ASB10: variants seen among roughly 807,000 people sequenced by gnomAD.
The protein encoded by ASB10 is ankyrin repeat and SOCS box containing 10.
A neutral mutation model predicts 35.4 loss-of-function variants in ASB10; 44 were observed. That is an observed-to-expected ratio of 1.24 (90% CI 0.98 to 1.60). The LOEUF (loss-of-function observed/expected upper bound fraction) is 1.60, where lower values mean the gene tolerates loss of function less well. Among genes scored for constraint, ASB10 ranks in the 40% most tolerant of loss-of-function variants. The pLI is 0.00. For synonymous variants in ASB10, 294 were observed against 280.4 expected (o/e 1.05, Z -0.49); for missense variants, 647 against 634.3 (o/e 1.02, Z -0.22).
Position 151,175,791 on chromosome 7 carries a change from C to T in ASB10, c.*176G>A, listed in dbSNP as rs1252508570. 4 of 365,212 alleles carry T rather than the reference C, an allele frequency of 1.1e-5. No homozygotes were observed. Among genetic ancestry groups the T allele is most frequent in the Non-Finnish European group, 2.0e-5 (4 of 200,874 alleles). 22.6% of individuals were successfully genotyped at this position (365,212 alleles called of 1,614,324 possible). A position where few individuals can be genotyped will look rare whatever the true frequency, so the allele number is the denominator to read the frequency against. On this transcript the variant is annotated 3_prime_UTR_variant, in exon 6 of 6. Transcript: ENST00000420175. ...CCAGTAGGAGTGTGTCTTCATCAGA[C>T]ATCACCCGGCTGCCGCTGTCGGTCC...
intron 2 of ASB10, among the ~76,000 whole-genome samples, chr7:151,185,017 G>A (rs1244638616): frequency 5.3e-5 from 8 of 151,254 alleles, no homozygotes; most frequent in African/African-American, 1.2e-4. Flanking sequence ...GCAAGACTCC[G>A]TCTCAAAAAA....
intron 2 of ASB10, among the ~76,000 whole-genome samples, chr7:151,185,896 T>A (rs563531850): frequency 1.3e-5 from 2 of 152,248 alleles, no homozygotes; most frequent in Admixed American, 6.5e-5. Flanking sequence ...ATGGAGATTC[T>A]AGACCTGTCT....
At chr7:151,180,842 T>C (rs886640269) in intron 3 of ASB10, 97 bp downstream of exon 3, 4 of 1,412,912 alleles carry the variant, frequency 2.8e-6, no homozygotes, top group South Asian at 3.3e-5. Context: ...AACCAATCTA[T>C]GTGCACAGGC....
chr7:151,184,329 C>T (rs1459205179), intron 2 of ASB10, among the ~76,000 whole-genome samples: 1 of 151,252 alleles, frequency 6.6e-6, no homozygotes. Context: ...GGGAGAATGG[C>T]GTGAACCCGG....
intron 3 of ASB10, among the ~76,000 whole-genome samples, chr7:151,177,316 A>T (rs1379330331): frequency 6.6e-6 from 1 of 152,262 alleles, no homozygotes; most frequent in Non-Finnish European, 1.5e-5. Flanking sequence ...ATCCCATGTT[A>T]TTATCCCATT....
At chr7:151,185,841 TAGTG>T (rs1436939781) in intron 2 of ASB10, among the ~76,000 whole-genome samples, 1 of 152,192 alleles carries the variant, frequency 6.6e-6, no homozygotes, top group African/African-American at 2.4e-5. Flanking sequence ...GGAGTTTAGT[TAGTG>T]AGAGTCCCTT....
chr7:151,182,668 G>A (rs1315127298), intron 2 of ASB10, among the ~76,000 whole-genome samples: 2 of 152,230 alleles, frequency 1.3e-5, no homozygotes, highest in Admixed American at 6.5e-5. Flanking sequence ...ACAGCAACGT[G>A]TGTGCCTCAC....
intron 3 of ASB10, among the ~76,000 whole-genome samples, chr7:151,179,674 T>C (rs1801451273): frequency 6.6e-6 from 1 of 152,132 alleles, no homozygotes; most frequent in South Asian, 2.1e-4. Context: ...CTGCAGATCA[T>C]GGAAAGGGAC....
At chr7:151,180,916 C>T (rs1563569105) in intron 3 of ASB10, 23 bp downstream of exon 3, 2 of 1,471,064 alleles carry the variant, frequency 1.4e-6, no homozygotes, top group South Asian at 1.4e-5. Flanking sequence ...TGGTGGCCCT[C>T]CTGCTGCCTG....
intron 1 of ASB10, 27 bp from the exon 2 acceptor site, chr7:151,186,686 A>T (rs1385947032): frequency 6.3e-7 from 1 of 1,581,630 alleles, no homozygotes; most frequent in African/African-American, 1.3e-5. Context: ...TGGGCCTCAG[A>T]TCCCCAGGGA....
chr7:151,181,614 CTTTT>C (rs34867888), intron 2 of ASB10, among the ~76,000 whole-genome samples, 156 bp from the exon 3 acceptor site: 1 of 137,962 alleles, frequency 7.2e-6, no homozygotes, highest in Admixed American at 7.3e-5. Flanking sequence ...CAGTGCCCTT[CTTTT>C]TTTTTTTTTT....
At chr7:151,178,000 C>G (rs150492976) in intron 3 of ASB10, among the ~76,000 whole-genome samples, 2 of 152,148 alleles carry the variant, frequency 1.3e-5, no homozygotes, top group Non-Finnish European at 2.9e-5. Flanking sequence ...GTAATCCCAG[C>G]GCTTTGGGAG....
rs375273039 is a variant in ASB10 at position 151,186,527 on chromosome 7, G to A, written c.449C>T (p.Thr150Ile). The A allele has an allele frequency of 3.7e-6, 6 of 1,603,464 alleles. No individual in the cohort carries two copies. Among genetic ancestry groups the A allele is most frequent in the East Asian group, 4.5e-5 (2 of 44,364 alleles). The change falls in exon 2 of 6, where the codon ACC becomes ATC. Residue 150 changes from threonine to isoleucine, a missense_variant. By Grantham distance (89) the Thr-to-Ile change is moderately conservative. Coordinates refer to ENST00000420175, the MANE Select transcript of ASB10 (RefSeq NM_001142459.2). Reference protein sequence around the residue: ...ARPDSAPGGRTALHEACAAGH... With the variant: ...ARPDSAPGGRIALHEACAAGH... ...TGCAGCACAGGCCTCGTGCAGGGCG[G>A]TGCGGCCCCCAGGGGCACTGTCTGG...
At chr7:151,181,521 G>C in intron 2 of ASB10, 63 bp from the exon 3 acceptor site, 1 of 1,496,404 alleles carries the variant, frequency 6.7e-7, no homozygotes, top group Non-Finnish European at 8.9e-7. Context: ...GAACACACTT[G>C]GGTGGCTCTT....
chr7:151,180,473 C>T (rs543351729), intron 3 of ASB10, among the ~76,000 whole-genome samples: 4 of 152,130 alleles, frequency 2.6e-5, no homozygotes, highest in Non-Finnish European at 4.4e-5. Context: ...TGGACAGCCT[C>T]TCCTGCATCT....
chr7:151,183,317 ATTGT>A (rs1228465145), intron 2 of ASB10, among the ~76,000 whole-genome samples: 1 of 152,142 alleles, frequency 6.6e-6, no homozygotes, highest in East Asian at 1.9e-4. Flanking sequence ...AGGTGAGAGG[ATTGT>A]TTGAGCCAAG....
chr7:151,179,315 A>G (rs1429623209), intron 3 of ASB10, among the ~76,000 whole-genome samples: 1 of 152,140 alleles, frequency 6.6e-6, no homozygotes, highest in Admixed American at 6.6e-5. Context: ...CAGAGCCTAC[A>G]CTCCTAGTCA....
chr7:151,178,164 T>C (rs2150555695), intron 3 of ASB10, among the ~76,000 whole-genome samples: 1 of 152,166 alleles, frequency 6.6e-6, no homozygotes, highest in East Asian at 1.9e-4. Context: ...CAAGAGAATC[T>C]CTTGAGCCTG....
upstream of ASB10, chr7:151,187,695 G>A (rs541679518): frequency 4.7e-6 from 7 of 1,480,740 alleles, no homozygotes; most frequent in South Asian, 4.1e-5. The surrounding 1 kb of genome is among the most constrained non-coding windows in gnomAD (Gnocchi z 5.3). Flanking sequence ...TGTCCCCAGT[G>A]GGGAGAGGAG....
Sources: gnomAD v4.1 joint callset for allele counts (sites outside exome capture counted in the v4.1 genomes callset) on GRCh38, gnomAD v4.1.1 for gene constraint, Gnocchi (gnomAD v3.1) non-coding constraint, MANE v1.5 for transcripts, NCBI Gene and HGNC (gene_info 2026-07-23, HGNC 2026-07-21) for gene names.